CDC42BPA: variants seen among roughly 807,000 people sequenced by gnomAD.
CDC42BPA encodes CDC42 binding protein kinase alpha, also known as serine/threonine-protein kinase MRCK alpha.
CDC42BPA carries 80 observed loss-of-function variants against 223.5 expected under a neutral mutation model. The observed-to-expected ratio is 0.36, with a 90% CI of 0.30 to 0.43. The LOEUF (loss-of-function observed/expected upper bound fraction) is 0.43. Ranked by LOEUF, CDC42BPA falls within the 20% of genes least tolerant of loss-of-function variation. The pLI, the probability that CDC42BPA is intolerant of heterozygous loss-of-function variation, is 1.00. For missense variants in CDC42BPA, 1,743 were observed against 2,099.9 expected (o/e 0.83, Z 3.32); for synonymous variants, 694 against 718.6 (o/e 0.97, Z 0.55).
chr1:227,065,251 T>A (rs972269580), intron 21 of CDC42BPA, among the ~76,000 whole-genome samples: 1 of 152,140 alleles, frequency 6.6e-6, no homozygotes, highest in African/African-American at 2.4e-5. Flanking sequence ...GAGTAACCTA[T>A]CCACTCTTAA....
intron 5 of CDC42BPA, among the ~76,000 whole-genome samples, chr1:227,168,140 G>A (rs567992945): frequency 1.3e-5 from 2 of 152,198 alleles, no homozygotes; most frequent in East Asian, 1.9e-4. Context: ...AGTCAGGCTG[G>A]TCTCAAACTC....
At chr1:227,205,156 C>T in intron 3 of CDC42BPA, among the ~76,000 whole-genome samples, 1 of 150,918 alleles carries the variant, frequency 6.6e-6, no homozygotes, top group South Asian at 2.1e-4. Flanking sequence ...ACTCAGCCAG[C>T]TACTTGGGAG....
At chr1:227,243,509 C>G (rs1680363794) in intron 2 of CDC42BPA, among the ~76,000 whole-genome samples, 1 of 151,986 alleles carries the variant, frequency 6.6e-6, no homozygotes, top group South Asian at 2.1e-4. Context: ...AAACACAAAA[C>G]AGTCAATACC....
chr1:227,243,108 T>A (rs1464242014), intron 2 of CDC42BPA, among the ~76,000 whole-genome samples: 12 of 152,004 alleles, frequency 7.9e-5, no homozygotes, highest in Non-Finnish European at 4.4e-5. Flanking sequence ...CACTTGTAAG[T>A]GGGAGCTAAA....
rs55961981 is a variant in CDC42BPA at position 227,256,948 on chromosome 1, GACACACACACACACAC to G, written c.179-2809_179-2794del. Among the ~76,000 whole-genome samples the G allele has an allele frequency of 1.6e-3, 227 of 141,108 alleles. 2 individuals carry two copies. Among genetic ancestry groups the G allele is most frequent in the African/African-American group, 5.8e-3 (216 of 37,542 alleles). 92.6% of individuals were successfully genotyped at this position (141,108 alleles called of 152,430 possible). A position where few individuals can be genotyped will look rare whatever the true frequency, so the allele number is the denominator to read the frequency against. On this transcript the variant is annotated intron_variant, in intron 1 of 36. Transcript: ENST00000366766. ...AAACAAAATGTGATATATATATACA[GACACACACACACACAC>G]ACACACACACACACACACACACACA...
rs548561493 is a variant in CDC42BPA, at chr1:227,293,255, A to G, written c.178+23750T>C. Among the ~76,000 whole-genome samples the G allele has an allele frequency of 1.3e-4, 20 of 152,278 alleles. 1 individual carries two copies. Among genetic ancestry groups the G allele is most frequent in the African/African-American group, 4.6e-4 (19 of 41,556 alleles). Reference sequence around the variant, plus strand: ...ATCAATAATAATCAAATAATTGCAAATATATATAATTAAAAACAGTGATAA... The same window carrying G: ...ATCAATAATAATCAAATAATTGCAAGTATATATAATTAAAAACAGTGATAA... On this transcript the variant is annotated intron_variant, in intron 1 of 36. Transcript: ENST00000366766.
At chr1:227,077,761 G>A (rs1185088284) in intron 17 of CDC42BPA, among the ~76,000 whole-genome samples, 1 of 152,006 alleles carries the variant, frequency 6.6e-6, no homozygotes, top group African/African-American at 2.4e-5. Context: ...TCTTCCCCAA[G>A]GGTGGTTACC....
At chr1:227,232,826 G>A (rs1417752982) in intron 2 of CDC42BPA, among the ~76,000 whole-genome samples, 1 of 152,190 alleles carries the variant, frequency 6.6e-6, no homozygotes, top group East Asian at 1.9e-4. Flanking sequence ...GGCCCCTACT[G>A]GGAGGTGTCT....
At chr1:227,306,654 T>C (rs577351307) in intron 1 of CDC42BPA, among the ~76,000 whole-genome samples, 10 of 152,222 alleles carry the variant, frequency 6.6e-5, no homozygotes, top group South Asian at 2.1e-4. Context: ...AAAAGCTTTA[T>C]GATATCATAT....
At chr1:227,211,568 A>G (rs770487527) in intron 3 of CDC42BPA, among the ~76,000 whole-genome samples, 12 of 152,278 alleles carry the variant, frequency 7.9e-5, no homozygotes, top group East Asian at 1.9e-4. Flanking sequence ...ATGTATGTAT[A>G]TATGTGTGTA....
chr1:227,044,325 T>C lies in CDC42BPA; in HGVS notation c.3093+3602A>G, dbSNP rs79482352. Among the ~76,000 whole-genome samples, 40 of 152,342 alleles carry C rather than the reference T, an allele frequency of 2.6e-4. 3 individuals are homozygous for C. The East Asian group carries it at 7.5e-3, about 29-fold the overall frequency. On this transcript the variant is annotated intron_variant, in intron 23 of 36. Transcript: ENST00000366766. ...TAACAATGCTTTCACTGTAAAAGCATTTTTAATTTTGATATAAAGCCCACG... is the reference window on the plus strand; with the variant it reads ...TAACAATGCTTTCACTGTAAAAGCACTTTTAATTTTGATATAAAGCCCACG...
chr1:227,049,506 T>C (rs1021128232), intron 22 of CDC42BPA, among the ~76,000 whole-genome samples: 3 of 152,106 alleles, frequency 2.0e-5, no homozygotes, highest in African/African-American at 7.2e-5. Context: ...AATAGATCTA[T>C]ACATTAATGC....
chr1:227,305,082 TTTC>T (rs1175374453), intron 1 of CDC42BPA, among the ~76,000 whole-genome samples: 2 of 152,222 alleles, frequency 1.3e-5, no homozygotes, highest in Non-Finnish European at 2.9e-5. Context: ...CCAATGTTAA[TTTC>T]TTCATTTTAA....
chr1:227,023,760 A>G lies in CDC42BPA; in HGVS notation c.4531-413T>C, dbSNP rs549859641. ...TGGGGAAAGGAGGGACTGTCAATAA[A>G]TAGTGATTGAGCAACTGGTTATACG... On this transcript the variant is annotated intron_variant, in intron 31 of 36. Transcript: ENST00000366766. Among the ~76,000 whole-genome samples, 6 of 152,330 alleles carry G rather than the reference A, an allele frequency of 3.9e-5. No homozygotes were observed. The South Asian group carries it at 1.2e-3, about 32-fold the overall frequency.
At chr1:227,266,406 T>A (rs577750464) in intron 1 of CDC42BPA, among the ~76,000 whole-genome samples, 1 of 152,310 alleles carries the variant, frequency 6.6e-6, no homozygotes, top group East Asian at 1.9e-4. Context: ...TTCAGAGACC[T>A]GGCAATCTAA....
At chr1:227,312,456 A>T (rs1046885182) in intron 1 of CDC42BPA, among the ~76,000 whole-genome samples, 1 of 152,276 alleles carries the variant, frequency 6.6e-6, no homozygotes, top group Admixed American at 6.5e-5. Context: ...ATATACTGCT[A>T]TACTAAGGTA....
chr1:227,129,714 T>TATATATATAAAAATAAATATATATAC (rs140091366), intron 10 of CDC42BPA, among the ~76,000 whole-genome samples: 1 of 105,806 alleles, frequency 9.5e-6, no homozygotes, highest in African/African-American at 3.8e-5. Flanking sequence ...TATATATATA[T>TATATATATAAAAATAAATATATATAC]ACAAAAGAAT....
intron 1 of CDC42BPA, among the ~76,000 whole-genome samples, chr1:227,280,890 C>G (rs1258895644): frequency 6.6e-6 from 1 of 152,158 alleles, no homozygotes; most frequent in Admixed American, 6.5e-5. Context: ...GCATGCCAAG[C>G]CAGGGATCCC....
intron 1 of CDC42BPA, among the ~76,000 whole-genome samples, chr1:227,286,380 C>A (rs1688806948): frequency 6.6e-6 from 1 of 152,196 alleles, no homozygotes; most frequent in African/African-American, 2.4e-5. Flanking sequence ...AACATGGACA[C>A]AATGCAGTCA....
Sources: gnomAD v4.1 joint callset for allele counts (sites outside exome capture counted in the v4.1 genomes callset) on GRCh38, gnomAD v4.1.1 for gene constraint, MANE v1.5 for transcripts, NCBI Gene and HGNC (gene_info 2026-07-23, HGNC 2026-07-21) for gene names.